XIRP2: variants seen among roughly 807,000 people sequenced by gnomAD.
The protein encoded by XIRP2 is xin actin-binding repeat-containing protein 2.
In XIRP2, 236 loss-of-function variants were observed where a neutral mutation model predicts 277.0. That is an observed-to-expected ratio of 0.85 (90% CI 0.77 to 0.95). The LOEUF (loss-of-function observed/expected upper bound fraction) is 0.95. Among genes scored for constraint, XIRP2 ranks in the 40% least tolerant of loss-of-function variants. The pLI, the probability that XIRP2 is intolerant of heterozygous loss-of-function variation, is 0.00. For synonymous variants in XIRP2, 1,490 were observed against 1,416.5 expected, an observed-to-expected ratio of 1.05 and a Z score of -1.17; for missense variants, 4,640 against 4,157.5, an observed-to-expected ratio of 1.12 and a Z score of -3.19.
In XIRP2 at chr2:167,251,166, T is replaced by C; in HGVS notation, c.9774T>C (p.Ala3258=). 1 of 1,613,446 alleles carries C rather than the reference T, an allele frequency of 6.2e-7. No individual in the cohort carries two copies. Among genetic ancestry groups the C allele is most frequent in the Non-Finnish European group, 8.5e-7 (1 of 1,179,730 alleles). Residue 3258 remains alanine (A), a synonymous_variant, in exon 9 of 11, where the codon GCT becomes GCC. Coordinates refer to ENST00000409195, the MANE Select transcript of XIRP2 (RefSeq NM_152381.6). ...GTTCCTTCAGAGAATCTGTGGACGC[T>C]CAAGAGGAAATCAGGAAAGTGGAGA... is the stretch of plus-strand genomic sequence containing the variant. ...ASGSFRESVD[A]QEEIRKVEKR...
intron 2 of XIRP2, among the ~76,000 whole-genome samples, chr2:167,121,503 A>G (rs1691056963): frequency 6.6e-6 from 1 of 152,214 alleles, no homozygotes. Flanking sequence ...AGCAGATTAG[A>G]TTTAAAAGGT....
At chr2:167,045,893 G>A (rs763827751) in intron 2 of XIRP2, among the ~76,000 whole-genome samples, 23 of 151,886 alleles carry the variant, frequency 1.5e-4, no homozygotes, top group Non-Finnish European at 2.8e-4. Flanking sequence ...AATCCCGGCC[G>A]TTGCCCATTC....
At chr2:166,907,540 G>A (rs1200515569) in intron 2 of XIRP2, among the ~76,000 whole-genome samples, 1 of 152,028 alleles carries the variant, frequency 6.6e-6, no homozygotes, top group East Asian at 1.9e-4. Context: ...GATGACAACA[G>A]AGCTGGGACA....
Position 167,249,204 on chromosome 2 carries a change from A to T in XIRP2, c.7812A>T (p.Glu2604Asp). Residue 2604 changes from glutamate to aspartate, a missense_variant, in exon 9 of 11, where the codon GAA becomes GAT. Glu to Asp is a conservative substitution (Grantham distance 45). Transcript: ENST00000409195. ...EEVSLSGIDS[E>D]CTVVQPSPGS... The stretch of plus-strand genomic sequence containing the variant: ...TTTCCCTATCTGGAATTGATTCAGA[A>T]TGCACTGTGGTTCAACCCAGCCCAG... The T allele has an allele frequency of 6.2e-7, 1 of 1,613,714 alleles. No homozygotes were observed. Among genetic ancestry groups the T allele is most frequent in the Non-Finnish European group, 8.5e-7 (1 of 1,179,742 alleles).
At chr2:166,901,474 T>C (rs1308036070) in intron 1 of XIRP2, among the ~76,000 whole-genome samples, 2 of 152,072 alleles carry the variant, frequency 1.3e-5, no homozygotes, top group African/African-American at 4.8e-5. Flanking sequence ...TTTCAATTAT[T>C]AGGATTTCCT....
At chr2:166,958,962 C>T (rs1686236638) in intron 2 of XIRP2, among the ~76,000 whole-genome samples, 2 of 151,744 alleles carry the variant, frequency 1.3e-5, no homozygotes, top group Non-Finnish European at 1.5e-5. Context: ...AAAACTCTAG[C>T]ACAGACTCCT....
In XIRP2 at chr2:167,076,351, T is replaced by C. The variant is rs188273354; in HGVS notation, c.409-59558T>C. 2.9e-3 allele frequency among the ~76,000 whole-genome samples: 436 copies of C among 152,338 alleles called. 1 individual carries two copies. Among genetic ancestry groups the C allele is most frequent in the African/African-American group, 0.01 (416 of 41,582 alleles). On this transcript the variant is annotated intron_variant, in intron 2 of 10. Coordinates refer to ENST00000409195, the MANE Select transcript of XIRP2 (RefSeq NM_152381.6). ...ATCAAGCTTAAAATCTTTCACTTAC[T>C]GTTGAAGGTAAAACAACACCATGGA...
At chr2:167,141,773 A>G (rs973636751) in intron 3 of XIRP2, among the ~76,000 whole-genome samples, 1 of 152,114 alleles carries the variant, frequency 6.6e-6, no homozygotes, top group Non-Finnish European at 1.5e-5. Context: ...AGGCAGGAGG[A>G]TCCCTTGAGT....
At chr2:167,091,177 C>A (rs148536472) in intron 2 of XIRP2, among the ~76,000 whole-genome samples, 250 of 152,152 alleles carry the variant, frequency 1.6e-3, no homozygotes, top group Middle Eastern at 3.4e-3. Context: ...TCCCAAGTGT[C>A]ATCTTCCTTA....
rs371321540 is a variant in XIRP2, at chr2:167,243,020, G to T, written c.1628G>T (p.Arg543Leu). 1 of 1,613,876 alleles carries T rather than the reference G, an allele frequency of 6.2e-7. No homozygotes were observed. Among genetic ancestry groups the T allele is most frequent in the Non-Finnish European group, 8.5e-7 (1 of 1,179,936 alleles). ...GTCTCAGCAGATGTGCAACAAGCCC[G>T]GTATGTTTTTGAAAACACAAATGAC... ...SSVSADVQQA[R>L]YVFENTNDSS... The change falls in exon 9 of 11, where the codon CGG becomes CTG. Residue 543 changes from arginine to leucine, a missense_variant. Physicochemically the swap from Arg to Leu is moderately radical, Grantham distance 102. Coordinates refer to ENST00000409195, the MANE Select transcript of XIRP2 (RefSeq NM_152381.6).
intron 2 of XIRP2, among the ~76,000 whole-genome samples, chr2:166,979,737 C>T (rs1301441961): frequency 6.6e-6 from 1 of 151,946 alleles, no homozygotes; most frequent in African/African-American, 2.4e-5. Flanking sequence ...ATAAATTATA[C>T]CTGGTTATGA....
At chr2:167,028,086 A>G (rs1688224929) in intron 2 of XIRP2, among the ~76,000 whole-genome samples, 1 of 152,110 alleles carries the variant, frequency 6.6e-6, no homozygotes, top group African/African-American at 2.4e-5. Context: ...ATTTAACATT[A>G]TGATCAAAAA....
intron 2 of XIRP2, among the ~76,000 whole-genome samples, chr2:166,911,114 A>T (rs1684687627): frequency 6.6e-6 from 1 of 152,216 alleles, no homozygotes. Context: ...AGAGTTCTGT[A>T]GATGTCTATT....
chr2:166,912,473 A>T (rs890690949), intron 2 of XIRP2, among the ~76,000 whole-genome samples: 10 of 151,968 alleles, frequency 6.6e-5, no homozygotes, highest in Non-Finnish European at 1.3e-4. Flanking sequence ...TCATTTAATG[A>T]CTTCTCTACT....
chr2:166,925,626 T>C (rs868030493), intron 2 of XIRP2, among the ~76,000 whole-genome samples: 2,024 of 135,962 alleles, frequency 0.015, 39 homozygotes, highest in African/African-American at 0.042. Context: ...TATATATATA[T>C]ACATATAAGT....
At chr2:166,924,099 G>A (rs750951482) in intron 2 of XIRP2, among the ~76,000 whole-genome samples, 2 of 152,096 alleles carry the variant, frequency 1.3e-5, no homozygotes, top group African/African-American at 2.4e-5. Context: ...GGATATAGTT[G>A]AGTATCTTCC....
At chr2:167,201,241 A>AGGGAGGGAGG (rs1187728255) in intron 3 of XIRP2, among the ~76,000 whole-genome samples, 1,798 of 107,436 alleles carry the variant, frequency 0.017, 36 homozygotes, top group East Asian at 0.054. Context: ...AAAGAAAGAA[A>AGGGAGGGAGG]GAAAGAAAGA....
At chr2:166,896,481 A>G (rs531700222) in intron 1 of XIRP2, among the ~76,000 whole-genome samples, 113 of 151,946 alleles carry the variant, frequency 7.4e-4, no homozygotes, top group Non-Finnish European at 1.4e-3. Context: ...TTTAATAAAA[A>G]TTTTTAAAAA....
At chr2:167,148,357 G>A (rs566513108) in intron 3 of XIRP2, among the ~76,000 whole-genome samples, 2 of 144,068 alleles carry the variant, frequency 1.4e-5, no homozygotes, top group Non-Finnish European at 3.1e-5. Context: ...ACTCCAGTGT[G>A]GGTGACAAAA....
Sources: gnomAD v4.1 joint callset for allele counts (sites outside exome capture counted in the v4.1 genomes callset) on GRCh38, gnomAD v4.1.1 for gene constraint, MANE v1.5 for transcripts, NCBI Gene and HGNC (gene_info 2026-07-23, HGNC 2026-07-21) for gene names.